The following NBEAL1 variants were observed in gnomAD, a reference collection of about 807,000 sequenced individuals.
NBEAL1 encodes neurobeachin-like protein 1.
A neutral mutation model predicts 351.3 loss-of-function variants in NBEAL1; 273 were observed. That is an observed-to-expected ratio of 0.78 (90% confidence interval 0.70 to 0.86). The LOEUF is 0.86. Ranked by LOEUF, NBEAL1 falls within the 40% of genes least tolerant of loss-of-function variation. The pLI is 0.00. For synonymous variants in NBEAL1, 1,050 were observed against 1,086.4 expected (o/e 0.97, Z 0.66); for missense variants, 2,961 against 3,201.3 (o/e 0.92, Z 1.81).
rs762350349 is a variant in NBEAL1 at position 203,138,187 on chromosome 2, G to A, written c.4591G>A (p.Ala1531Thr). The part of the protein sequence containing the change: ...LTLLQKMLEW[A>T]ISENREAKTN... The stretch of plus-strand genomic sequence containing the variant: ...TTTGCTACAAAAGATGTTAGAATGG[G>A]CAATCTCAGAAAACAGAGAAGCAAA... Residue 1531 changes from alanine (A) to threonine (T), a missense_variant, in exon 30 of 56, where the codon GCA (alanine) becomes ACA (threonine). Transcript: ENST00000683969. The A allele has an allele frequency of 2.5e-6, 4 of 1,613,898 alleles. No homozygotes were observed. In the South Asian group the frequency reaches 3.3e-5, roughly 13 times the overall value.
intron 6 of NBEAL1, among the ~76,000 whole-genome samples, chr2:203,063,575 GAA>G (rs562260894): frequency 2.6e-5 from 4 of 151,620 alleles, no homozygotes; most frequent in Non-Finnish European, 5.9e-5. Flanking sequence ...AGGAAGAAAA[GAA>G]GAGGAGAAAA....
chr2:203,071,050 C>T (rs1220839663), intron 7 of NBEAL1, among the ~76,000 whole-genome samples: 1 of 152,156 alleles, frequency 6.6e-6, no homozygotes, highest in East Asian at 1.9e-4. Context: ...AGTATATTAT[C>T]CTTTTTATGT....
chr2:203,049,731 C>A, intron 3 of NBEAL1, 83 bp from the exon 4 acceptor site: 1 of 1,222,988 alleles, frequency 8.2e-7, no homozygotes, highest in Non-Finnish European at 1.1e-6. Context: ...AGGATTTGGG[C>A]TGAAAATGAA....
At chr2:203,210,217 G>A (rs993183123) in intron 53 of NBEAL1, among the ~76,000 whole-genome samples, 2 of 151,688 alleles carry the variant, frequency 1.3e-5, no homozygotes, top group African/African-American at 4.8e-5. Context: ...ACAAAAATTA[G>A]CCGGGCATGG....
chr2:203,194,969 C>G (rs952696620), intron 47 of NBEAL1, among the ~76,000 whole-genome samples: 2 of 151,998 alleles, frequency 1.3e-5, no homozygotes, highest in South Asian at 4.2e-4. Context: ...AGGCCGAGAC[C>G]GGCAGATCAC....
chr2:203,148,938 A>G (rs1344672271), intron 33 of NBEAL1, 53 bp from the exon 34 acceptor site: 1 of 1,432,992 alleles, frequency 7.0e-7, no homozygotes, highest in African/African-American at 1.4e-5. Context: ...TAAAATGTAA[A>G]TATACCTGTA....
intron 8 of NBEAL1, 68 bp downstream of exon 8, chr2:203,077,905 T>G: frequency 1.3e-6 from 1 of 784,428 alleles, no homozygotes; most frequent in Non-Finnish European, 1.9e-6. Flanking sequence ...TCCATAGATT[T>G]AGTATGTTCT....
intron 42 of NBEAL1, among the ~76,000 whole-genome samples, chr2:203,176,901 C>G (rs1350452026): frequency 1.3e-5 from 2 of 151,816 alleles, no homozygotes; most frequent in Non-Finnish European, 2.9e-5. Context: ...CTTTAATCCC[C>G]AACACTTTGG....
chr2:203,187,625 C>T (rs1285484966), intron 44 of NBEAL1, among the ~76,000 whole-genome samples: 6 of 151,568 alleles, frequency 4.0e-5, no homozygotes, highest in Non-Finnish European at 2.9e-5. Context: ...CCTGTAATCC[C>T]AGCTACTTGG....
intron 2 of NBEAL1, among the ~76,000 whole-genome samples, chr2:203,041,211 G>T (rs1461496572): frequency 2.6e-5 from 4 of 152,202 alleles, no homozygotes; most frequent in African/African-American, 9.7e-5. Context: ...TCAAGCATTT[G>T]TACAAGGTTC....
chr2:203,181,120 T>TG (rs1575094654), intron 43 of NBEAL1: 2 of 150,966 alleles, frequency 1.3e-5, no homozygotes, highest in African/African-American at 4.9e-5. Context: ...TTTGTAGAGA[T>TG]GGGGTCTCAC....
At chr2:203,129,000 C>T (rs2063011855) in intron 24 of NBEAL1, among the ~76,000 whole-genome samples, 1 of 152,136 alleles carries the variant, frequency 6.6e-6, no homozygotes, top group Non-Finnish European at 1.5e-5. Context: ...ATCCTCAGAA[C>T]TACCCTTTAA....
Position 203,193,926 on chromosome 2 carries a change from G to A in NBEAL1, c.7038+15G>A, listed in dbSNP as rs779550950. 3 of 1,406,786 alleles carry A rather than the reference G, an allele frequency of 2.1e-6. No homozygotes were observed. Among genetic ancestry groups the A allele is most frequent in the African/African-American group, 1.4e-5 (1 of 69,732 alleles). The allele number at this position is 1,406,786 out of a possible 1,614,324, so 87.1% of individuals were successfully genotyped here. A position where few individuals can be genotyped will look rare whatever the true frequency, so the allele number is the denominator to read the frequency against. On this transcript the variant is annotated intron_variant, in intron 47 of 55. Transcript: ENST00000683969. Reference sequence around the variant, plus strand: ...TTTTTATAGAGGTAATATCCTACTTGGTAATATCAAAAAGAGTTTTCTCTA... The same window carrying A: ...TTTTTATAGAGGTAATATCCTACTTAGTAATATCAAAAAGAGTTTTCTCTA...
intron 6 of NBEAL1, among the ~76,000 whole-genome samples, chr2:203,059,263 G>A (rs1304751770): frequency 6.6e-6 from 1 of 152,184 alleles, no homozygotes; most frequent in African/African-American, 2.4e-5. Context: ...ATGGAGATTG[G>A]AAAAATGTTG....
chr2:203,024,639 G>GAT (rs1023032470), intron 2 of NBEAL1, among the ~76,000 whole-genome samples: 4 of 151,982 alleles, frequency 2.6e-5, no homozygotes, highest in African/African-American at 9.7e-5. Context: ...GAGGTGGGCA[G>GAT]ATCACTTGAG....
chr2:203,101,151 G>A (rs528463553), intron 12 of NBEAL1, among the ~76,000 whole-genome samples: 2 of 151,916 alleles, frequency 1.3e-5, no homozygotes, highest in South Asian at 2.1e-4. Context: ...TTACATTTAA[G>A]TCTAATCCAT....
intron 41 of NBEAL1, among the ~76,000 whole-genome samples, chr2:203,174,502 C>G (rs72936307): frequency 0.027 from 4,123 of 152,106 alleles, 112 homozygotes; most frequent in African/African-American, 0.068. Flanking sequence ...TTAATTATCT[C>G]TGGGATGTGG....
chr2:203,189,677 A>G (rs1330798534), intron 45 of NBEAL1, among the ~76,000 whole-genome samples: 1 of 151,380 alleles, frequency 6.6e-6, no homozygotes, highest in African/African-American at 2.4e-5. Flanking sequence ...GTGACCCACC[A>G]CCCCTGGCCC....
chr2:203,186,395 A>T (rs1357385558), intron 44 of NBEAL1, among the ~76,000 whole-genome samples: 1 of 152,226 alleles, frequency 6.6e-6, no homozygotes, highest in Non-Finnish European at 1.5e-5. Context: ...GGATAAGAGA[A>T]CTTATAAACA....
Sources: gnomAD v4.1 joint callset for allele counts (sites outside exome capture counted in the v4.1 genomes callset) on GRCh38, gnomAD v4.1.1 for gene constraint, MANE v1.5 for transcripts, NCBI Gene and HGNC (gene_info 2026-07-23, HGNC 2026-07-21) for gene names.